ZFYVE28: variants seen among roughly 807,000 people sequenced by gnomAD.
The protein encoded by ZFYVE28 is lateral signaling target protein 2 homolog.
ZFYVE28 carries 40 observed loss-of-function variants against 82.1 expected under a neutral mutation model. That is an observed-to-expected ratio of 0.49 (90% CI 0.38 to 0.63). The LOEUF (loss-of-function observed/expected upper bound fraction) is 0.63. Ranked by LOEUF, ZFYVE28 falls within the 30% of genes least tolerant of loss-of-function variation. The pLI is 0.00. For missense variants in ZFYVE28, 1,321 were observed against 1,242.1 expected (o/e 1.06, Z -0.96); for synonymous variants, 612 against 546.1 (o/e 1.12, Z -1.68).
chr4:2,337,915 G>C (rs1010034146), intron 4 of ZFYVE28, among the ~76,000 whole-genome samples: 1 of 142,746 alleles, frequency 7.0e-6, no homozygotes, highest in African/African-American at 2.7e-5. Context: ...CATTTCGGCA[G>C]TTTCATAGTA....
At chr4:2,351,258 TA>T (rs1266256866) in intron 2 of ZFYVE28, among the ~76,000 whole-genome samples, 2 of 152,116 alleles carry the variant, frequency 1.3e-5, no homozygotes, top group African/African-American at 4.8e-5. Flanking sequence ...GTGTGGGGAA[TA>T]CCCTACTCAT....
intron 8 of ZFYVE28, among the ~76,000 whole-genome samples, chr4:2,283,707 A>C (rs1178215569): frequency 6.6e-6 from 1 of 152,232 alleles, no homozygotes; most frequent in East Asian, 1.9e-4. Flanking sequence ...TCAATAGGTG[A>C]ACAGTTAATT....
chr4:2,387,116 G>A (rs912066220), intron 1 of ZFYVE28, among the ~76,000 whole-genome samples: 4 of 152,130 alleles, frequency 2.6e-5, no homozygotes, highest in African/African-American at 9.7e-5. Flanking sequence ...CCAGGATGGA[G>A]AGCGGTGCCA....
chr4:2,338,984 T>C (rs1364036066), intron 4 of ZFYVE28, among the ~76,000 whole-genome samples: 1 of 139,382 alleles, frequency 7.2e-6, no homozygotes, highest in Non-Finnish European at 1.6e-5. Flanking sequence ...TAATTTTTTG[T>C]ATTTTTTTTA....
rs1207665642 is a variant in ZFYVE28, at chr4:2,271,546, C to T, written c.2428+129G>A. On this transcript the variant is annotated intron_variant, in intron 11 of 12. Coordinates refer to ENST00000290974, the MANE Select transcript of ZFYVE28 (RefSeq NM_020972.3). ...GGCCTCCAGCCAGCCTCCGGGGGGG[C>T]GGTCTCCCAGCTCCCACATGCCCGG... 1.9e-5 allele frequency: 27 copies of T among 1,400,768 alleles called. No homozygotes were observed. The South Asian group carries it at 2.4e-4, about 13-fold the overall frequency. The allele number at this position is 1,400,768 out of a possible 1,614,324, so 86.8% of individuals were successfully genotyped here. A position where few individuals can be genotyped will look rare whatever the true frequency, so the allele number is the denominator to read the frequency against.
chr4:2,308,444 C>G (rs1716903035), intron 7 of ZFYVE28, among the ~76,000 whole-genome samples: 1 of 148,424 alleles, frequency 6.7e-6, no homozygotes, highest in Non-Finnish European at 1.5e-5. Flanking sequence ...CTATTCCAGG[C>G]CCCTTGCATC....
chr4:2,270,069 C>G lies in ZFYVE28; in HGVS notation c.*656G>C, dbSNP rs1269851378. On this transcript the variant is annotated 3_prime_UTR_variant, in exon 13 of 13. Transcript: ENST00000290974. ...GACCCCCATGCCATCAGCAAGGGGA[C>G]AGTGGTGGGCAGACACCAGGAGCAC... 6.6e-6 allele frequency: 1 copy of G among 152,624 alleles called. No individual in the cohort carries two copies. The highest frequency in any genetic ancestry group is 2.4e-5 in the African/African-American group (1 of 41,440). The allele number at this position is 152,624 out of a possible 1,614,324, so 9.5% of individuals were successfully genotyped here. A position where few individuals can be genotyped will look rare whatever the true frequency, so the allele number is the denominator to read the frequency against.
chr4:2,327,251 AATATATATATATATATATAT>A (rs67940269), intron 6 of ZFYVE28, among the ~76,000 whole-genome samples: 962 of 87,258 alleles, frequency 0.011, 25 homozygotes, highest in African/African-American at 0.025. Flanking sequence ...CTCCATCTCA[AATATATATATATATATATAT>A]ATATATATAT....
chr4:2,398,050 C>T (rs1730675750), intron 1 of ZFYVE28, among the ~76,000 whole-genome samples: 2 of 149,984 alleles, frequency 1.3e-5, no homozygotes, highest in Admixed American at 6.6e-5. Flanking sequence ...GGGGTCCTGG[C>T]AGACGTCCAC....
chr4:2,393,781 C>T (rs920457407), intron 1 of ZFYVE28, among the ~76,000 whole-genome samples: 3 of 152,170 alleles, frequency 2.0e-5, no homozygotes, highest in Non-Finnish European at 2.9e-5. Flanking sequence ...GATTGGGGGA[C>T]GGACTTCCGG....
In ZFYVE28 at chr4:2,346,289, C is replaced by T. The variant is rs1484493693; in HGVS notation, c.181-4674G>A. Reference sequence around the variant, plus strand: ...CCCGGGAGGCAGAGCTAGCAGTGAGCCGAGATCGCGCCACTGCACTCCAGC... The same window carrying T: ...CCCGGGAGGCAGAGCTAGCAGTGAGTCGAGATCGCGCCACTGCACTCCAGC... On this transcript the variant is annotated intron_variant, in intron 2 of 12. Transcript: ENST00000290974. 4.0e-5 allele frequency among the ~76,000 whole-genome samples: 6 copies of T among 150,484 alleles called. No homozygotes were observed. The East Asian group carries it at 5.8e-4, about 15-fold the overall frequency.
chr4:2,299,104 G>C (rs542610666), intron 8 of ZFYVE28, among the ~76,000 whole-genome samples: 2 of 152,330 alleles, frequency 1.3e-5, no homozygotes, highest in South Asian at 4.1e-4. Context: ...CAAAGTCAAA[G>C]GGCAAGAACA....
At chr4:2,402,369 G>A (rs536909152) in intron 1 of ZFYVE28, among the ~76,000 whole-genome samples, 185 of 152,278 alleles carry the variant, frequency 1.2e-3, no homozygotes, top group African/African-American at 4.3e-3. Flanking sequence ...CGCCCCGCCC[G>A]CTGCAGGAGC....
chr4:2,397,027 G>A (rs746115936), intron 1 of ZFYVE28, among the ~76,000 whole-genome samples: 11 of 152,210 alleles, frequency 7.2e-5, no homozygotes, highest in Non-Finnish European at 1.5e-4. Flanking sequence ...GCTCAGGGGC[G>A]ACTGCCACGG....
At chr4:2,354,445 C>T (rs1384065757) in intron 1 of ZFYVE28, among the ~76,000 whole-genome samples, 1 of 149,504 alleles carries the variant, frequency 6.7e-6, no homozygotes. Context: ...AAAAGCAGCT[C>T]TCAGGAAATT....
chr4:2,286,568 A>T (rs1712777114), intron 8 of ZFYVE28: 1 of 152,288 alleles, frequency 6.6e-6, no homozygotes, highest in South Asian at 2.1e-4. Context: ...GTGCTGAGAC[A>T]GGCATCTGAC....
chr4:2,274,760 A>G lies in ZFYVE28; in HGVS notation c.2052-544T>C, dbSNP rs1198830084. Among the ~76,000 whole-genome samples, 3 of 152,200 alleles carry G rather than the reference A, an allele frequency of 2.0e-5. No homozygotes were observed. In the East Asian group the frequency reaches 5.8e-4, roughly 29 times the overall value. On this transcript the variant is annotated intron_variant, in intron 8 of 12. Coordinates refer to ENST00000290974, the MANE Select transcript of ZFYVE28 (RefSeq NM_020972.3). ...AAGTCCAAAGACAAACGTCCTTATA[A>G]GAGACAGAAGAGGACACAGACACAG...
chr4:2,294,074 CTT>C (rs58688626), intron 8 of ZFYVE28, among the ~76,000 whole-genome samples: 21 of 137,860 alleles, frequency 1.5e-4, no homozygotes, highest in East Asian at 2.1e-4. Context: ...TCCCAGCAGG[CTT>C]TTTTTTTTTT....
chr4:2,357,476 G>T (rs908818509), intron 1 of ZFYVE28, among the ~76,000 whole-genome samples: 1 of 152,184 alleles, frequency 6.6e-6, no homozygotes, highest in African/African-American at 2.4e-5. Context: ...CATGAGACCC[G>T]CTGGGCCTGA....
Sources: gnomAD v4.1 joint callset for allele counts (sites outside exome capture counted in the v4.1 genomes callset) on GRCh38, gnomAD v4.1.1 for gene constraint, MANE v1.5 for transcripts, NCBI Gene and HGNC (gene_info 2026-07-23, HGNC 2026-07-21) for gene names.